The following NKAIN2 variants were observed in gnomAD, a reference collection of about 807,000 sequenced individuals.
NKAIN2 encodes sodium/potassium transporting ATPase interacting 2.
Under a neutral mutation model 32.6 loss-of-function variants are expected in NKAIN2, and 14 were observed. That is an observed-to-expected ratio of 0.43 (90% CI 0.28 to 0.67). The LOEUF is 0.67. Ranked by LOEUF, NKAIN2 falls within the 30% of genes least tolerant of loss-of-function variation. The probability of loss-of-function intolerance (pLI) is 0.17; values close to 1 mark genes in which losing one functional copy is unlikely to be tolerated. For synonymous variants in NKAIN2, 80 were observed against 87.2 expected (o/e 0.92, Z 0.46); for missense variants, 198 against 258.3 (o/e 0.77, Z 1.60).
chr6:124,543,314 C>A (rs1013184116), intron 3 of NKAIN2, among the ~76,000 whole-genome samples: 2 of 152,142 alleles, frequency 1.3e-5, no homozygotes, highest in South Asian at 2.1e-4. Flanking sequence ...ATAATTAATA[C>A]CTTTACAAGC....
intron 4 of NKAIN2, among the ~76,000 whole-genome samples, chr6:124,755,414 C>T (rs745375631): frequency 1.3e-5 from 2 of 152,124 alleles, no homozygotes; most frequent in Non-Finnish European, 2.9e-5. Context: ...TGTCTGGCAA[C>T]ACCCTCATAG....
rs532633925 is a variant in NKAIN2, at chr6:124,069,452, G to A, written c.55-213553G>A. On this transcript the variant is annotated intron_variant, in intron 1 of 6. Coordinates refer to ENST00000368417, the MANE Select transcript of NKAIN2 (RefSeq NM_001040214.3). ...TGGCTAGAGTCATTACTCTAATCAAGAGTACGCAAAATGAACCTGGAGACC... is the reference window on the plus strand; with the variant it reads ...TGGCTAGAGTCATTACTCTAATCAAAAGTACGCAAAATGAACCTGGAGACC... 2.3e-4 allele frequency among the ~76,000 whole-genome samples: 35 copies of A among 152,234 alleles called. No individual in the cohort carries two copies. In the South Asian group the frequency reaches 7.3e-3, roughly 32 times the overall value.
chr6:124,222,084 G>A (rs368251505), intron 1 of NKAIN2, among the ~76,000 whole-genome samples: 12 of 152,252 alleles, frequency 7.9e-5, no homozygotes, highest in African/African-American at 2.9e-4. Flanking sequence ...AGGATGATCT[G>A]GATAGGCAGC....
At position 124,651,190 on chromosome 6, in the gene NKAIN2, C is replaced by T. The variant is rs572773158; in HGVS notation, c.274-6996C>T. Among the ~76,000 whole-genome samples, 158 of 152,268 alleles carry T rather than the reference C, an allele frequency of 1.0e-3. 1 individual carries two copies. Among genetic ancestry groups the T allele is most frequent in the African/African-American group, 3.7e-3 (152 of 41,544 alleles). On this transcript the variant is annotated intron_variant, in intron 3 of 6. Transcript: ENST00000368417. ...TAGTACACTGAGGTAGGAGTTAAGC[C>T]GCCAAGGCTTTAGGCAGCCCCACCT...
chr6:123,879,152 T>C (rs186964205), intron 1 of NKAIN2, among the ~76,000 whole-genome samples: 96 of 152,320 alleles, frequency 6.3e-4, no homozygotes, highest in African/African-American at 2.3e-3. Context: ...GTCATGCTTC[T>C]TGGGAGCTGA....
chr6:124,409,298 T>A (rs1490442215), intron 3 of NKAIN2, among the ~76,000 whole-genome samples: 2 of 152,158 alleles, frequency 1.3e-5, no homozygotes, highest in Admixed American at 6.5e-5. Flanking sequence ...GCTTCCAGTT[T>A]TTGCCCATTC....
intron 2 of NKAIN2, among the ~76,000 whole-genome samples, chr6:124,335,827 G>C (rs564817900): frequency 6.6e-6 from 1 of 151,994 alleles, no homozygotes; most frequent in Non-Finnish European, 1.5e-5. Context: ...CCTCTTTACT[G>C]GTTAAGTTGA....
At chr6:124,004,873 AG>A (rs1451550400) in intron 1 of NKAIN2, among the ~76,000 whole-genome samples, 1 of 150,396 alleles carries the variant, frequency 6.6e-6, no homozygotes, top group Non-Finnish European at 1.5e-5. Context: ...AAAAAAAAAA[AG>A]TAATAATAAC....
At chr6:123,817,281 G>C (rs1389659216) in intron 1 of NKAIN2, among the ~76,000 whole-genome samples, 1 of 152,174 alleles carries the variant, frequency 6.6e-6, no homozygotes, top group African/African-American at 2.4e-5. Context: ...GAGCTGCATT[G>C]TGTATTATAG....
rs548026660 is a variant in NKAIN2 at position 124,576,224 on chromosome 6, G to T, written c.274-81962G>T. On this transcript the variant is annotated intron_variant, in intron 3 of 6. Coordinates refer to ENST00000368417, the MANE Select transcript of NKAIN2 (RefSeq NM_001040214.3). The stretch of plus-strand genomic sequence containing the variant: ...CTGAAGTATGATGGTTGTCTGTAAA[G>T]AAAACATTTGTGTGATTGAATTGCA... 3.9e-5 allele frequency among the ~76,000 whole-genome samples: 6 copies of T among 152,306 alleles called. No homozygotes were observed. The South Asian group carries it at 1.2e-3, about 32-fold the overall frequency.
intron 2 of NKAIN2, among the ~76,000 whole-genome samples, chr6:124,314,149 G>A (rs2115007481): frequency 6.6e-6 from 1 of 152,060 alleles, no homozygotes; most frequent in Non-Finnish European, 1.5e-5. Context: ...AATATGAAGT[G>A]CTTTCTGCTT....
chr6:124,102,912 CA>C (rs1261638857), intron 1 of NKAIN2, among the ~76,000 whole-genome samples: 1 of 151,988 alleles, frequency 6.6e-6, no homozygotes, highest in East Asian at 1.9e-4. Flanking sequence ...GACATGTGAT[CA>C]AAACATCTTG....
intron 1 of NKAIN2, among the ~76,000 whole-genome samples, chr6:123,872,789 G>C (rs1190881315): frequency 2.0e-5 from 3 of 152,144 alleles, no homozygotes; most frequent in Non-Finnish European, 4.4e-5. Context: ...ACCAAGAGAT[G>C]TTTTTAAATG....
chr6:124,475,560 G>A (rs538822175), intron 3 of NKAIN2, among the ~76,000 whole-genome samples: 1 of 152,236 alleles, frequency 6.6e-6, no homozygotes, highest in East Asian at 1.9e-4. Context: ...TAGAAAAATT[G>A]TTCAAGAAGG....
chr6:124,223,137 C>T (rs903187057), intron 1 of NKAIN2, among the ~76,000 whole-genome samples: 9 of 144,218 alleles, frequency 6.2e-5, no homozygotes, highest in South Asian at 2.2e-4. Flanking sequence ...CATTTCGACC[C>T]GGGAGGTGGA....
chr6:123,892,281 C>T (rs1190568294), intron 1 of NKAIN2, among the ~76,000 whole-genome samples: 1 of 152,152 alleles, frequency 6.6e-6, no homozygotes, highest in Non-Finnish European at 1.5e-5. Context: ...TTAGTCCATT[C>T]TCACGCTGCT....
chr6:123,942,693 T>C (rs1317847695), intron 1 of NKAIN2, among the ~76,000 whole-genome samples: 1 of 152,024 alleles, frequency 6.6e-6, no homozygotes, highest in Non-Finnish European at 1.5e-5. Flanking sequence ...TGAATAGCTC[T>C]AGGGTTTCAT....
rs138515907 is a variant in NKAIN2 at position 124,334,325 on chromosome 6, C to T, written c.193-20942C>T. 3.0e-3 allele frequency among the ~76,000 whole-genome samples: 457 copies of T among 152,262 alleles called. 2 individuals are homozygous for T. Among genetic ancestry groups the T allele is most frequent in the African/African-American group, 0.011 (437 of 41,534 alleles). On this transcript the variant is annotated intron_variant, in intron 2 of 6. Transcript: ENST00000368417. ...ATCCAAAGGGTTCTCCTTGCCTGCTCCCCAGACAGAGTCGATTTATCCGGA... is the reference window on the plus strand; with the variant it reads ...ATCCAAAGGGTTCTCCTTGCCTGCTTCCCAGACAGAGTCGATTTATCCGGA...
At chr6:124,207,492 A>G (rs1178606372) in intron 1 of NKAIN2, among the ~76,000 whole-genome samples, 1 of 148,516 alleles carries the variant, frequency 6.7e-6, no homozygotes, top group South Asian at 2.2e-4. Context: ...CTGTGTTGCC[A>G]TATGATTTTT....
Sources: gnomAD v4.1 joint callset for allele counts (sites outside exome capture counted in the v4.1 genomes callset) on GRCh38, gnomAD v4.1.1 for gene constraint, MANE v1.5 for transcripts, NCBI Gene and HGNC (gene_info 2026-07-23, HGNC 2026-07-21) for gene names.